The following FAM181A variants were observed in gnomAD, a reference collection of about 807,000 sequenced individuals.
FAM181A encodes the protein family with sequence similarity 181 member A, also known as protein FAM181A.
Under a neutral mutation model 16.3 loss-of-function variants are expected in FAM181A, and 7 were observed. That is an observed-to-expected ratio of 0.43 (90% CI 0.24 to 0.81). The LOEUF is 0.81. Among genes scored for constraint, FAM181A ranks in the 30% least tolerant of loss-of-function variants. The pLI is 0.24. For synonymous variants in FAM181A, 183 were observed against 164.9 expected (o/e 1.11, Z -0.84); for missense variants, 349 against 377.5 (o/e 0.92, Z 0.63).
At chr14:93,919,663 A>T (rs1237896671) in intron 1 of FAM181A, among the ~76,000 whole-genome samples, 1 of 152,142 alleles carries the variant, frequency 6.6e-6, no homozygotes, top group Non-Finnish European at 1.5e-5. Context: ...AGCATTATTG[A>T]CTCCCCAGGG....
Position 93,928,582 on chromosome 14 carries a change from GC to G in FAM181A, c.298del (p.Leu100Ter). The stretch of plus-strand genomic sequence containing the variant: ...GGGGTGGGGGCTGCAAGGAGAAGGT[GC>G]TGAGGAACCCCTACAGGGAGGAATG... The part of the protein sequence containing the change: ...GGGGGCKEKV[L>X]RNPYREECLA... On this transcript the variant is annotated frameshift_variant, in exon 2 of 2. Transcript: ENST00000556222. LOFTEE classifies it high-confidence loss of function. The G allele has an allele frequency of 6.2e-7, 1 of 1,613,812 alleles. No individual in the cohort carries two copies. The highest frequency in any genetic ancestry group is 8.5e-7 in the Non-Finnish European group (1 of 1,179,976).
At position 93,927,377 on chromosome 14, in the gene FAM181A, G is replaced by A. The variant is rs931653755; in HGVS notation, c.-165G>A. On this transcript the variant is annotated 5_prime_UTR_variant, in exon 1 of 2. Coordinates refer to ENST00000556222, the MANE Select transcript of FAM181A (RefSeq NM_001207073.2). ...GCTTCCAGCCGGACGGAGCTCGGCC[G>A]GCTGCGCCGGGGCCTGTCCCAGGTC... The A allele has an allele frequency of 1.8e-6, 2 of 1,132,008 alleles. No individual in the cohort carries two copies. Among genetic ancestry groups the A allele is most frequent in the East Asian group, 8.0e-5 (1 of 12,570 alleles). 70.1% of individuals were successfully genotyped at this position (1,132,008 alleles called of 1,614,324 possible). A position where few individuals can be genotyped will look rare whatever the true frequency, so the allele number is the denominator to read the frequency against.
At position 93,927,365 on chromosome 14, in the gene FAM181A, C is replaced by T. The variant is rs973175864; in HGVS notation, c.-177C>T. ...GGTTGCACAACTGCTTCCAGCCGGACGGAGCTCGGCCGGCTGCGCCGGGGC... is the reference window on the plus strand; with the variant it reads ...GGTTGCACAACTGCTTCCAGCCGGATGGAGCTCGGCCGGCTGCGCCGGGGC... On this transcript the variant is annotated 5_prime_UTR_variant, in exon 1 of 2. The change creates a new upstream start codon in the 5' untranslated region. Coordinates refer to ENST00000556222, the MANE Select transcript of FAM181A (RefSeq NM_001207073.2). 37 of 1,128,312 alleles carry T rather than the reference C, an allele frequency of 3.3e-5. No homozygotes were observed. The highest frequency in any genetic ancestry group is 3.8e-5 in the Non-Finnish European group (35 of 910,060). The allele number at this position is 1,128,312 out of a possible 1,614,324, so 69.9% of individuals were successfully genotyped here.
At chr14:93,922,677 G>A (rs1257524589), upstream of FAM181A, among the ~76,000 whole-genome samples, 1 of 152,284 alleles carries the variant, frequency 6.6e-6, no homozygotes, top group South Asian at 2.1e-4. Context: ...GTGACAGAGC[G>A]AGACTCTATC....
At chr14:93,925,448 G>T, upstream of FAM181A, 2 of 1,385,972 alleles carry the variant, frequency 1.4e-6, no homozygotes, top group Non-Finnish European at 2.0e-6. Context: ...ACAGTAGGCA[G>T]CAGGGAGCTG....
upstream of FAM181A, chr14:93,925,286 G>C (rs1567011188): frequency 4.3e-6 from 7 of 1,613,582 alleles, no homozygotes; most frequent in South Asian, 7.7e-5. Flanking sequence ...CCTTAGAAGA[G>C]AGAAGATCTT....
Position 93,928,916 on chromosome 14 carries a change from T to C in FAM181A, c.631T>C (p.Trp211Arg). 1.2e-6 allele frequency: 2 copies of C among 1,614,144 alleles called. No homozygotes were observed. Among genetic ancestry groups the C allele is most frequent in the South Asian group, 2.2e-5 (2 of 91,088 alleles). The change falls in exon 2 of 2, where the codon TGG (tryptophan) becomes CGG (arginine). Residue 211 changes from tryptophan to arginine, a missense_variant. Trp to Arg is a moderately radical substitution (Grantham distance 101, BLOSUM62 -3). Coordinates refer to ENST00000556222, the MANE Select transcript of FAM181A (RefSeq NM_001207073.2). ...GVSLVGRVNAWSCCPFQYHGQ... is the reference protein window; with the variant it reads ...GVSLVGRVNARSCCPFQYHGQ... ...CTCCTTGGTGGGCCGCGTCAATGCCTGGAGTTGCTGCCCCTTCCAGTACCA... is the reference window on the plus strand; with the variant it reads ...CTCCTTGGTGGGCCGCGTCAATGCCCGGAGTTGCTGCCCCTTCCAGTACCA...
intron 1 of FAM181A, among the ~76,000 whole-genome samples, chr14:93,920,380 T>C (rs1487174080): frequency 1.3e-5 from 2 of 150,576 alleles, no homozygotes; most frequent in Non-Finnish European, 2.9e-5. Context: ...ATTGTGCCAC[T>C]GCACTGCAGT....
upstream of FAM181A, among the ~76,000 whole-genome samples, chr14:93,926,586 C>T (rs903477105): frequency 4.6e-5 from 7 of 152,226 alleles, no homozygotes; most frequent in South Asian, 2.1e-4. This position sits in a 1 kb window ranked among gnomAD's most constrained non-coding sequence, Gnocchi z 5.2. Flanking sequence ...TGTCCGGCTG[C>T]GCTGAATGGG....
upstream of FAM181A, chr14:93,925,016 C>T (rs1260732316): frequency 9.9e-6 from 5 of 505,690 alleles, no homozygotes; most frequent in Admixed American, 1.2e-4. Flanking sequence ...TCTCTCTTCC[C>T]TCTTTTCTTC....
chr14:93,928,244 C>A lies in FAM181A; in HGVS notation c.-42C>A. ...TGGAGCTGCCGGCCACCAGCAGAGC[C>A]TACCCTCTTCATGGAAAGCCTCGTG... is the stretch of plus-strand genomic sequence containing the variant. On this transcript the variant is annotated 5_prime_UTR_variant, in exon 2 of 2. Transcript: ENST00000556222. The A allele has an allele frequency of 6.2e-7, 1 of 1,613,768 alleles. No homozygotes were observed. Among genetic ancestry groups the A allele is most frequent in the South Asian group, 1.1e-5 (1 of 91,076 alleles).
At chr14:93,927,062 C>CACACACACACACACA (rs1415891809), upstream of FAM181A, 5,507 of 33,058 alleles carry the variant, frequency 0.17, 159 homozygotes, top group Non-Finnish European at 0.21. Context: ...ACACACACAC[C>CACACACACACACACA]CCACCCCCTT....
At chr14:93,925,486 G>A (rs375353955), upstream of FAM181A, 83 of 845,470 alleles carry the variant, frequency 9.8e-5, no homozygotes, top group Non-Finnish European at 8.3e-5. Flanking sequence ...CCCTCAGGGC[G>A]CTCTCTTCAG....
intron 1 of FAM181A, chr14:93,922,258 A>C (rs890047286): frequency 3.3e-5 from 5 of 152,264 alleles, no homozygotes; most frequent in Non-Finnish European, 7.3e-5. Flanking sequence ...AGATACATTT[A>C]AACGCATTTT....
intron 1 of FAM181A, among the ~76,000 whole-genome samples, chr14:93,920,742 G>GCTTT (rs1887694708): frequency 6.6e-6 from 1 of 152,190 alleles, no homozygotes; most frequent in Non-Finnish European, 1.5e-5. Context: ...CATGGTGAAA[G>GCTTT]ACCAAAAGCT....
In FAM181A at chr14:93,921,295, C is replaced by T. The variant is rs551363660; in HGVS notation, c.-225+2301C>T. 3.3e-5 allele frequency among the ~76,000 whole-genome samples: 5 copies of T among 152,318 alleles called. No homozygotes were observed. The South Asian group carries it at 1.0e-3, about 32-fold the overall frequency. On this transcript the variant is annotated intron_variant, in intron 1 of 2. Transcript: ENST00000267594. ...AAGCACTTCCAACGTGGGACTTGAT[C>T]ACATTGATAGTGGTCTCTGTCACTG...
At chr14:93,925,513 T>A, upstream of FAM181A, 1 of 665,494 alleles carries the variant, frequency 1.5e-6, no homozygotes, top group Non-Finnish European at 2.5e-6. Flanking sequence ...GTGCCAGATG[T>A]TTTGGAGCAG....
At chr14:93,920,661 T>G (rs562586608) in intron 1 of FAM181A, among the ~76,000 whole-genome samples, 1 of 152,100 alleles carries the variant, frequency 6.6e-6, no homozygotes, top group African/African-American at 2.4e-5. Context: ...TCCCAGAAAA[T>G]TAGGAATAGA....
intron 1 of FAM181A, among the ~76,000 whole-genome samples, chr14:93,919,298 G>A (rs1376786317): frequency 6.6e-6 from 1 of 152,168 alleles, no homozygotes; most frequent in South Asian, 2.1e-4. Context: ...CAAGGGTGAG[G>A]AATAGGAGGC....
Sources: allele counts gnomAD v4.1 joint callset (sites outside exome capture counted in the v4.1 genomes callset), GRCh38; gene constraint gnomAD v4.1.1; non-coding constraint Gnocchi (gnomAD v3.1); transcripts MANE v1.5; gene names NCBI Gene and HGNC (gene_info 2026-07-23, HGNC 2026-07-21).